The following ESRRG variants were observed in gnomAD, a reference collection of about 807,000 sequenced individuals.
The protein encoded by ESRRG is estrogen-related receptor gamma.
A neutral mutation model predicts 44.0 loss-of-function variants in ESRRG; 13 were observed. The observed-to-expected ratio is 0.30, with a 90% CI of 0.19 to 0.47. ESRRG has a LOEUF of 0.47. Ranked by LOEUF, ESRRG falls within the 20% of genes least tolerant of loss-of-function variation. The probability of loss-of-function intolerance (pLI) is 1.00; values close to 1 mark genes in which losing one functional copy is unlikely to be tolerated. For missense variants in ESRRG, 395 were observed against 580.6 expected (o/e 0.68, Z 3.29); for synonymous variants, 215 against 214.6 (o/e 1.00, Z -0.02).
intron 3 of ESRRG, among the ~76,000 whole-genome samples, chr1:216,613,489 G>C (rs1363743758): frequency 6.6e-6 from 1 of 151,964 alleles, no homozygotes; most frequent in Non-Finnish European, 1.5e-5. Flanking sequence ...TGTAATTCTG[G>C]GAAATTGACC....
chr1:216,706,597 C>T (rs1452788855), intron 1 of ESRRG, among the ~76,000 whole-genome samples: 1 of 152,188 alleles, frequency 6.6e-6, no homozygotes, highest in Admixed American at 6.5e-5. Context: ...CTTACAACAT[C>T]ATGATGCCAA....
intron 5 of ESRRG, among the ~76,000 whole-genome samples, chr1:216,525,575 A>G (rs1212716477): frequency 6.6e-6 from 1 of 152,148 alleles, no homozygotes; most frequent in Non-Finnish European, 1.5e-5. Flanking sequence ...ATTTTTTACT[A>G]GTTGAAAATA....
intron 3 of ESRRG, among the ~76,000 whole-genome samples, chr1:216,592,856 T>C (rs2057899027): frequency 6.6e-6 from 1 of 152,248 alleles, no homozygotes; most frequent in Non-Finnish European, 1.5e-5. Flanking sequence ...GAAATTTGTG[T>C]ACTGTTTTTC....
intron 1 of ESRRG, among the ~76,000 whole-genome samples, chr1:217,065,663 C>T (rs898018042): frequency 8.5e-5 from 13 of 152,288 alleles, no homozygotes; most frequent in Admixed American, 7.8e-4. Context: ...TACACACAAC[C>T]TGAAGACCAG....
At chr1:216,774,798 C>CTTT (rs58598227) in intron 2 of ESRRG, among the ~76,000 whole-genome samples, 1 of 110,850 alleles carries the variant, frequency 9.0e-6, no homozygotes, top group Non-Finnish European at 1.7e-5. Flanking sequence ...ATAATTTCTT[C>CTTT]TTTTTTTTTT....
chr1:216,925,239 C>A (rs1354911848), intron 2 of ESRRG, among the ~76,000 whole-genome samples: 1 of 151,804 alleles, frequency 6.6e-6, no homozygotes, highest in East Asian at 2.0e-4. Flanking sequence ...GAGTTCAAGA[C>A]CAGCCTGGCC....
chr1:216,948,049 C>T (rs2066343990), intron 1 of ESRRG, among the ~76,000 whole-genome samples: 1 of 152,084 alleles, frequency 6.6e-6, no homozygotes, highest in African/African-American at 2.4e-5. Flanking sequence ...TTGAAAGAGA[C>T]TCACCCCAAT....
chr1:216,974,327 C>G (rs2072403199), intron 1 of ESRRG, among the ~76,000 whole-genome samples: 1 of 152,124 alleles, frequency 6.6e-6, no homozygotes. Context: ...ATCCAAATAT[C>G]ACATATATCC....
chr1:217,024,630 A>G (rs1363518244), intron 1 of ESRRG, among the ~76,000 whole-genome samples: 2 of 151,996 alleles, frequency 1.3e-5, no homozygotes, highest in Non-Finnish European at 2.9e-5. Context: ...TCTCCACCCC[A>G]TCTTTCCTTT....
rs2083815014 is a variant in ESRRG, at chr1:217,041,280, C to T, written c.-106+48227G>A. ...TGAAAATAACAGCCTGCAAGCTGTG[C>T]CAAAAGCCCTTTTTCCTCATCTAAT... On this transcript the variant is annotated intron_variant, in intron 1 of 7. Transcript: ENST00000359162. Among the ~76,000 whole-genome samples, 3 of 152,108 alleles carry T rather than the reference C, an allele frequency of 2.0e-5. No individual in the cohort carries two copies. In the South Asian group the frequency reaches 6.2e-4, roughly 32 times the overall value.
At position 216,612,603 on chromosome 1, in the gene ESRRG, G is replaced by A. The variant is rs186325594; in HGVS notation, c.589+38370C>T. ...AGCCCAAACACATCAGCAGAGCTTA[G>A]CCCCACAAGGCAGGAAGAATCCATA... On this transcript the variant is annotated intron_variant, in intron 3 of 6. Coordinates refer to ENST00000408911, the MANE Select transcript of ESRRG (RefSeq NM_001438.4). Among the ~76,000 whole-genome samples the A allele has an allele frequency of 1.1e-3, 174 of 152,116 alleles. 1 individual carries two copies. Among genetic ancestry groups the A allele is most frequent in the African/African-American group, 4.1e-3 (169 of 41,500 alleles).
intron 5 of ESRRG, among the ~76,000 whole-genome samples, chr1:216,528,807 A>G (rs2048432039): frequency 6.6e-6 from 1 of 152,052 alleles, no homozygotes; most frequent in Non-Finnish European, 1.5e-5. Context: ...GGAGGAGACA[A>G]GGCAATAAAA....
At chr1:216,902,419 G>T (rs1456377692) in intron 2 of ESRRG, among the ~76,000 whole-genome samples, 3 of 151,774 alleles carry the variant, frequency 2.0e-5, no homozygotes, top group Non-Finnish European at 4.4e-5. Context: ...AACCCAGGAG[G>T]CAGAGGTTGC....
rs143778079 is a variant in ESRRG at position 216,706,085 on chromosome 1, A to T, written c.56+17159T>A. ...CACCCCCAGCAACCCCTGATGTTTC[A>T]TGTTGTTGCTTTGTTAGTGAGTTTG... On this transcript the variant is annotated intron_variant, in intron 1 of 6. Coordinates refer to ENST00000408911, the MANE Select transcript of ESRRG (RefSeq NM_001438.4). Among the ~76,000 whole-genome samples the T allele has an allele frequency of 1.8e-3, 281 of 152,256 alleles. 2 individuals carry two copies. The highest frequency in any genetic ancestry group is 6.6e-3 in the African/African-American group (274 of 41,552).
chr1:216,848,340 TTTAGAA>T (rs1559857416), intron 2 of ESRRG, among the ~76,000 whole-genome samples: 2 of 151,266 alleles, frequency 1.3e-5, no homozygotes. Flanking sequence ...CTACCTGAGG[TTTAGAA>T]TGTCTGGCTT....
intron 1 of ESRRG, among the ~76,000 whole-genome samples, chr1:217,003,149 G>T (rs965628110): frequency 2.6e-5 from 4 of 151,614 alleles, no homozygotes; most frequent in Admixed American, 6.6e-5. Context: ...ACTACATCAG[G>T]AAGTTGCAAA....
At chr1:217,041,935 G>A (rs1044560926) in intron 1 of ESRRG, among the ~76,000 whole-genome samples, 4 of 152,178 alleles carry the variant, frequency 2.6e-5, no homozygotes, top group Non-Finnish European at 5.9e-5. Flanking sequence ...TCAAAGCAAT[G>A]CACCCAGTAG....
At chr1:217,048,305 G>T (rs116261133) in intron 1 of ESRRG, among the ~76,000 whole-genome samples, 1,587 of 152,222 alleles carry the variant, frequency 0.01, 23 homozygotes, top group African/African-American at 0.035. Context: ...TATTCTGTTG[G>T]ATTCCAGATG....
intron 4 of ESRRG, among the ~76,000 whole-genome samples, chr1:216,566,682 A>G (rs1167157323): frequency 6.6e-6 from 1 of 152,198 alleles, no homozygotes; most frequent in African/African-American, 2.4e-5. Context: ...ATATTATTGT[A>G]TTATCAGAGA....
Sources: allele counts gnomAD v4.1 joint callset (sites outside exome capture counted in the v4.1 genomes callset), GRCh38; gene constraint gnomAD v4.1.1; transcripts MANE v1.5; gene names NCBI Gene and HGNC (gene_info 2026-07-23, HGNC 2026-07-21).